The following SIMC1 variants were observed in gnomAD, a reference collection of about 807,000 sequenced individuals.
SIMC1 encodes the protein SUMO interacting motifs containing 1, also known as SUMO-interacting motif-containing protein 1.
SIMC1 carries 55 observed loss-of-function variants against 82.3 expected under a neutral mutation model. The observed-to-expected ratio is 0.67, with a 90% CI of 0.54 to 0.84. The LOEUF (loss-of-function observed/expected upper bound fraction) is 0.84, where lower values mean the gene tolerates loss of function less well. Among genes scored for constraint, SIMC1 ranks in the 40% least tolerant of loss-of-function variants. The pLI is 0.00. For missense variants in SIMC1, 915 were observed against 1,107.2 expected (o/e 0.83, Z 2.46); for synonymous variants, 353 against 426.3 (o/e 0.83, Z 2.12).
chr5:176,337,160 G>A lies in SIMC1; in HGVS notation c.2413+14G>A, dbSNP rs757167388. On this transcript the variant is annotated intron_variant, in intron 9 of 9. Coordinates refer to ENST00000429602, the MANE Select transcript of SIMC1 (RefSeq NM_001308195.2). Reference sequence around the variant, plus strand: ...ATGTTTTAAGAGGTAAGGAGCATTTGTTCACAAGTGGAGTAGTGGAAGGTC... The same window carrying A: ...ATGTTTTAAGAGGTAAGGAGCATTTATTCACAAGTGGAGTAGTGGAAGGTC... 49 of 1,609,324 alleles carry A rather than the reference G, an allele frequency of 3.0e-5. No homozygotes were observed. Among genetic ancestry groups the A allele is most frequent in the Non-Finnish European group, 4.0e-5 (47 of 1,176,016 alleles).
intron 1 of SIMC1, among the ~76,000 whole-genome samples, chr5:176,260,030 A>G (rs1236047125): frequency 1.3e-5 from 2 of 149,412 alleles, no homozygotes; most frequent in African/African-American, 4.9e-5. Flanking sequence ...TAGTATATAT[A>G]TTTTAAAATT....
intron 4 of SIMC1, among the ~76,000 whole-genome samples, chr5:176,301,936 G>A (rs1764060317): frequency 6.6e-6 from 1 of 152,126 alleles, no homozygotes; most frequent in African/African-American, 2.4e-5. Flanking sequence ...GACTACATGG[G>A]GGGACTGGTT....
Position 176,290,187 on chromosome 5 carries a change from C to G in SIMC1, c.663C>G (p.Cys221Trp), listed in dbSNP as rs1343627135. 1.9e-6 allele frequency: 3 copies of G among 1,612,116 alleles called. No individual in the cohort carries two copies. In the African/African-American group the frequency reaches 4.0e-5, roughly 22 times the overall value. ...CTCGCCCACCACAGGCCTTGCCGTG[C>G]CCCCTGCGACCTTTGCCATGCCCAC... is the stretch of plus-strand genomic sequence containing the variant. Reference protein sequence around the residue: ...DVSRPPQALPCPLRPLPCPPR... With the variant: ...DVSRPPQALPWPLRPLPCPPR... The change falls in exon 2 of 10, where the codon TGC becomes TGG. Residue 221 changes from cysteine (C) to tryptophan (W), a missense_variant. Around this residue, in one of 2 missense-constraint regions of SIMC1, gnomAD observed 902 missense variants for 1,040.3 expected, o/e 0.87. Coordinates refer to ENST00000429602, the MANE Select transcript of SIMC1 (RefSeq NM_001308195.2).
chr5:176,267,982 G>A (rs1386142694), intron 1 of SIMC1, among the ~76,000 whole-genome samples: 6 of 151,890 alleles, frequency 4.0e-5, no homozygotes, highest in East Asian at 1.9e-4. Flanking sequence ...GCTCCTGAGC[G>A]CAAGCAATCT....
intron 4 of SIMC1, chr5:176,308,526 T>C: frequency 6.2e-7 from 1 of 1,604,938 alleles, no homozygotes; most frequent in Non-Finnish European, 8.5e-7. Flanking sequence ...ACTTATTTTT[T>C]CCTGTTTCAT....
At position 176,339,408 on chromosome 5, in the gene SIMC1, G is replaced by C. The variant is rs141854065; in HGVS notation, c.2413+2262G>C. Among the ~76,000 whole-genome samples, 521 of 152,224 alleles carry C rather than the reference G, an allele frequency of 3.4e-3. 4 individuals are homozygous for C. Among genetic ancestry groups the C allele is most frequent in the African/African-American group, 0.011 (471 of 41,544 alleles). On this transcript the variant is annotated intron_variant, in intron 9 of 9. Transcript: ENST00000429602. ...GTTGTCCAGTCCATGCATGATATGT[G>C]GTTGTGCAGTTTGTGCATTTGTAGC...
chr5:176,272,855 A>G (rs1762507211), intron 1 of SIMC1, among the ~76,000 whole-genome samples: 1 of 152,182 alleles, frequency 6.6e-6, no homozygotes, highest in Non-Finnish European at 1.5e-5. Context: ...GCAGTCTGAG[A>G]TTGAACTGCA....
rs1762183245 is a variant in SIMC1 at position 176,265,740 on chromosome 5, A to C, written c.130-23914A>C. ...TTGTTATCTGTGAAAGTTTAATTGG[A>C]GCAATATGTGATGGAAATGCAAATT... On this transcript the variant is annotated intron_variant, in intron 1 of 9. Transcript: ENST00000429602. Among the ~76,000 whole-genome samples the C allele has an allele frequency of 3.9e-5, 6 of 152,296 alleles. No individual in the cohort carries two copies. The South Asian group carries it at 1.2e-3, about 32-fold the overall frequency.
intron 5 of SIMC1, among the ~76,000 whole-genome samples, chr5:176,317,054 C>G (rs535050806): frequency 1.2e-4 from 19 of 152,156 alleles, no homozygotes; most frequent in African/African-American, 4.3e-4. Context: ...AGGCCAGGTC[C>G]TCTGTTTTGT....
At chr5:176,318,920 C>G (rs1287318533) in intron 5 of SIMC1, among the ~76,000 whole-genome samples, 2 of 152,092 alleles carry the variant, frequency 1.3e-5, no homozygotes, top group Non-Finnish European at 2.9e-5. Context: ...CCAGCCTGGG[C>G]AACATGGCAA....
At chr5:176,263,282 CTGAT>C in intron 1 of SIMC1, 1 of 751,884 alleles carries the variant, frequency 1.3e-6, no homozygotes, top group Non-Finnish European at 2.0e-6. Context: ...CATCAACAAA[CTGAT>C]TGTAAAGTTT....
chr5:176,261,007 T>A (rs532362278), intron 1 of SIMC1: 1 of 152,242 alleles, frequency 6.6e-6, no homozygotes, highest in Non-Finnish European at 1.5e-5. Flanking sequence ...CTTTGTTTTT[T>A]TCTTTTCTTT....
At chr5:176,268,282 G>C (rs1410836874) in intron 1 of SIMC1, among the ~76,000 whole-genome samples, 2 of 98,032 alleles carry the variant, frequency 2.0e-5, no homozygotes, top group East Asian at 5.3e-4. Flanking sequence ...GAAAGAGATG[G>C]TATGATTGTA....
chr5:176,304,476 C>T (rs370976067), intron 4 of SIMC1: 163 of 172,050 alleles, frequency 9.5e-4, no homozygotes, highest in African/African-American at 3.5e-3. Flanking sequence ...GATGGAGTCT[C>T]GTTCACTCAG....
intron 1 of SIMC1, among the ~76,000 whole-genome samples, chr5:176,287,495 C>A (rs928989630): frequency 6.6e-6 from 1 of 151,820 alleles, no homozygotes; most frequent in African/African-American, 2.4e-5. Context: ...TGGGTGGCTA[C>A]GGGAGGGATA....
At chr5:176,273,476 G>A (rs988468597) in intron 1 of SIMC1, among the ~76,000 whole-genome samples, 1 of 152,050 alleles carries the variant, frequency 6.6e-6, no homozygotes, top group Non-Finnish European at 1.5e-5. Flanking sequence ...CCACAAAGAT[G>A]GGGAGAAACC....
chr5:176,322,880 A>G (rs1765224846), intron 6 of SIMC1: 1 of 154,730 alleles, frequency 6.5e-6, no homozygotes, highest in Non-Finnish European at 1.4e-5. Flanking sequence ...GTTCCAACAC[A>G]CCAGGGCAGG....
At chr5:176,312,227 T>A (rs184345943) in intron 4 of SIMC1, among the ~76,000 whole-genome samples, 115 of 152,310 alleles carry the variant, frequency 7.6e-4, no homozygotes, top group Non-Finnish European at 1.3e-3. Flanking sequence ...AGTAGAAGAC[T>A]TTCTTTTTAT....
In SIMC1 at chr5:176,289,661, T is replaced by C. The variant is rs995441109; in HGVS notation, c.137T>C (p.Ile46Thr). 5.7e-6 allele frequency: 9 copies of C among 1,589,322 alleles called. No individual in the cohort carries two copies. Among genetic ancestry groups the C allele is most frequent in the Admixed American group, 1.8e-5 (1 of 56,046 alleles). Residue 46 changes from isoleucine to threonine, a missense_variant, in exon 2 of 10, where the codon ATT (isoleucine) becomes ACT (threonine). This residue lies in a region of SIMC1 where 902 missense variants were observed against 1,040.3 expected (regional missense o/e 0.87). Coordinates refer to ENST00000429602, the MANE Select transcript of SIMC1 (RefSeq NM_001308195.2). Reference protein sequence around the residue: ...GALPRRTVDFIDLTRETRPRT... With the variant: ...GALPRRTVDFTDLTRETRPRT... ...CACACAATCCTTCAACAGGACTTCA[T>C]TGACTTAACTAGAGAGACCAGACCA...
Sources: gnomAD v4.1 joint callset for allele counts (sites outside exome capture counted in the v4.1 genomes callset) on GRCh38, gnomAD v4.1.1 for gene constraint, gnomAD v4.1.1 regional missense constraint, MANE v1.5 for transcripts, NCBI Gene and HGNC (gene_info 2026-07-23, HGNC 2026-07-21) for gene names.